The following CHLSN variants were observed in gnomAD, a reference collection of about 807,000 sequenced individuals.
The protein encoded by CHLSN is protein cholesin.
chr7:990,013 G>A, the CHLSN span, among the ~76,000 whole-genome samples: 3 of 34,098 alleles, frequency 8.8e-5, no homozygotes, highest in Non-Finnish European at 1.6e-4. Flanking sequence ...TGTGAGTGGC[G>A]CGTGTGCTGG....
At chr7:1,098,061 G>A in the CHLSN span, among the ~76,000 whole-genome samples, 1 of 147,820 alleles carries the variant, frequency 6.8e-6, no homozygotes, top group Non-Finnish European at 1.5e-5. Context: ...GACAAGAATG[G>A]AATACCCCGG....
chr7:1,078,246 G>A, the CHLSN span, among the ~76,000 whole-genome samples: 4 of 152,138 alleles, frequency 2.6e-5, no homozygotes, highest in Admixed American at 6.5e-5. Context: ...GACAGTTCGC[G>A]TGGCAGAGCA....
At chr7:1,015,158 G>A in the CHLSN span, among the ~76,000 whole-genome samples, 1 of 152,240 alleles carries the variant, frequency 6.6e-6, no homozygotes, top group Non-Finnish European at 1.5e-5. Context: ...GGTGTGATGG[G>A]AAGTGACCTG....
chr7:1,050,819 C>T, the CHLSN span, among the ~76,000 whole-genome samples: 1 of 152,202 alleles, frequency 6.6e-6, no homozygotes, highest in Non-Finnish European at 1.5e-5. Context: ...CCGGAAACAG[C>T]GACATCCACA....
At chr7:984,867 G>A in the CHLSN span, 1 of 1,496,404 alleles carries the variant, frequency 6.7e-7, no homozygotes, top group South Asian at 1.3e-5. Flanking sequence ...TGCCCTGTCA[G>A]CCTGCTCACT....
chr7:1,010,527 T>C, the CHLSN span, among the ~76,000 whole-genome samples: 53 of 152,250 alleles, frequency 3.5e-4, no homozygotes, highest in Admixed American at 5.2e-4. Context: ...GTGTCTGTTA[T>C]CACACAGGCC....
the CHLSN span, chr7:987,499 GAC>G: frequency 1.0e-5 from 16 of 1,543,762 alleles, no homozygotes; most frequent in Non-Finnish European, 1.3e-5. Flanking sequence ...CACCGCGGCC[GAC>G]ACACAGCTGG....
the CHLSN span, among the ~76,000 whole-genome samples, chr7:1,071,155 GT>G: frequency 2.0e-5 from 3 of 152,252 alleles, no homozygotes; most frequent in African/African-American, 7.2e-5. Flanking sequence ...GCACGCGGCT[GT>G]TCAAGCAAAG....
the CHLSN span, among the ~76,000 whole-genome samples, chr7:1,016,179 GCACA>G: frequency 1.2e-5 from 1 of 86,518 alleles, no homozygotes; most frequent in African/African-American, 6.7e-5. Context: ...GCACACAGCA[GCACA>G]CGCCAGCACA....
At chr7:1,028,811 T>C in the CHLSN span, 1 of 807,534 alleles carries the variant, frequency 1.2e-6, no homozygotes, top group South Asian at 6.0e-5. Context: ...CCAATCTGAC[T>C]CCATGGCCCC....
chr7:1,044,568 C>G, the CHLSN span: 1 of 150,892 alleles, frequency 6.6e-6, no homozygotes, highest in Non-Finnish European at 1.5e-5. Flanking sequence ...ACACAGGGCC[C>G]GGGCGGCGTG....
chr7:1,108,786 G>C, the CHLSN span, among the ~76,000 whole-genome samples: 1 of 152,044 alleles, frequency 6.6e-6, no homozygotes, highest in Non-Finnish European at 1.5e-5. Context: ...GCCGATGGGG[G>C]CCATCCAGTG....
At chr7:1,065,517 G>A in the CHLSN span, among the ~76,000 whole-genome samples, 2 of 152,222 alleles carry the variant, frequency 1.3e-5, no homozygotes, top group South Asian at 4.1e-4. Flanking sequence ...GCGGCAACAG[G>A]GTGAACCTCA....
At chr7:1,107,048 T>C in the CHLSN span, among the ~76,000 whole-genome samples, 1 of 152,202 alleles carries the variant, frequency 6.6e-6, no homozygotes, top group Non-Finnish European at 1.5e-5. Context: ...GCATCAGCTC[T>C]GCCTGGAAGG....
the CHLSN span, chr7:1,044,544 A>G: frequency 6.6e-6 from 1 of 151,084 alleles, no homozygotes; most frequent in Admixed American, 6.6e-5. Context: ...GGCGGGGCCG[A>G]CGGTCACGTG....
chr7:1,053,822 A>C, the CHLSN span, among the ~76,000 whole-genome samples: 12 of 152,256 alleles, frequency 7.9e-5, no homozygotes, highest in East Asian at 1.5e-3. Flanking sequence ...GCGAGACTCC[A>C]TCTCAAAAAA....
chr7:988,437 CG>C, the CHLSN span: 8 of 1,611,696 alleles, frequency 5.0e-6, no homozygotes, highest in Non-Finnish European at 6.8e-6. Context: ...CCCTCGGGGC[CG>C]GGGTGGGGCG....
the CHLSN span, among the ~76,000 whole-genome samples, chr7:1,040,182 T>TAA: frequency 4.2e-5 from 4 of 96,060 alleles, no homozygotes; most frequent in African/African-American, 1.2e-4. Context: ...AAAAATAAAT[T>TAA]TAAAAAAAAA....
At chr7:980,948 C>T in the CHLSN span, among the ~76,000 whole-genome samples, 23 of 152,060 alleles carry the variant, frequency 1.5e-4, no homozygotes, top group African/African-American at 5.6e-4. Context: ...CCACCTCAGC[C>T]TCCCAAAGTG....
Sources: gnomAD v4.1 joint callset for allele counts (sites outside exome capture counted in the v4.1 genomes callset) on GRCh38, gnomAD v4.1.1 for gene constraint, MANE v1.5 for transcripts, NCBI Gene and HGNC (gene_info 2026-07-23, HGNC 2026-07-21) for gene names.